Variants in NELL1 observed in about 807,000 individuals in gnomAD.
NELL1 encodes the protein protein kinase C-binding protein NELL1.
Under a neutral mutation model 107.4 loss-of-function variants are expected in NELL1, and 76 were observed. The ratio of observed to expected loss-of-function variants is 0.71; its 90% CI spans 0.59 to 0.86. The LOEUF (loss-of-function observed/expected upper bound fraction) is 0.86. NELL1 is among the 40% of genes least tolerant of loss of function. The pLI is 0.00. For synonymous variants in NELL1, 353 were observed against 341.2 expected, an observed-to-expected ratio of 1.03 and a Z score of -0.38; for missense variants, 1,024 against 1,005.5, an observed-to-expected ratio of 1.02 and a Z score of -0.25.
intron 16 of NELL1, among the ~76,000 whole-genome samples, chr11:21,547,601 T>G (rs1381189561): frequency 6.6e-6 from 1 of 151,992 alleles, no homozygotes; most frequent in Non-Finnish European, 1.5e-5. Context: ...GTAGTAGTAC[T>G]TCCCATAAAA....
intron 15 of NELL1, among the ~76,000 whole-genome samples, chr11:21,467,466 CTT>C (rs1413244368): frequency 6.6e-6 from 1 of 151,992 alleles, no homozygotes; most frequent in Non-Finnish European, 1.5e-5. Context: ...ATATTTATGT[CTT>C]TAAAAATATC....
rs1856900769 is a variant in NELL1 at position 20,783,845 on chromosome 11, T to C, written c.335+15T>C. 5.0e-6 allele frequency: 8 copies of C among 1,599,782 alleles called. No homozygotes were observed. The East Asian group carries it at 6.7e-5, about 13-fold the overall frequency. The stretch of plus-strand genomic sequence containing the variant: ...CTGGAGCACAGGTAAGAAAGCTCTT[T>C]CTGCTTTTGAAAATCTCCTTAGAGT... On this transcript the variant is annotated intron_variant, in intron 3 of 19. Coordinates refer to ENST00000357134, the MANE Select transcript of NELL1 (RefSeq NM_006157.5).
chr11:20,897,259 C>T (rs1015864023), intron 5 of NELL1, among the ~76,000 whole-genome samples: 1 of 152,070 alleles, frequency 6.6e-6, no homozygotes, highest in Non-Finnish European at 1.5e-5. Flanking sequence ...AATAATGCCA[C>T]ATATCTACAA....
rs576362892 is a variant in NELL1 at position 20,992,075 on chromosome 11, GT to G, written c.1300+31517del. Among the ~76,000 whole-genome samples the G allele has an allele frequency of 1.1e-4, 16 of 151,850 alleles. No homozygotes were observed. In the East Asian group the frequency reaches 2.1e-3, roughly 20 times the overall value. Reference sequence around the variant, plus strand: ...GAAGACAAAGATATTTACATGCAAGGTTATTAATTCAGAGATACAGGCTGCT... The same window carrying G: ...GAAGACAAAGATATTTACATGCAAGGTATTAATTCAGAGATACAGGCTGCT... On this transcript the variant is annotated intron_variant, in intron 12 of 19. Transcript: ENST00000357134.
At chr11:21,211,984 C>T (rs1437392986) in intron 13 of NELL1, among the ~76,000 whole-genome samples, 2 of 152,048 alleles carry the variant, frequency 1.3e-5, no homozygotes, top group Admixed American at 6.6e-5. Context: ...TGCCACCACA[C>T]CTGGCTAATT....
At chr11:20,806,276 GTGTGTGTGTT>G (rs1251056225) in intron 3 of NELL1, among the ~76,000 whole-genome samples, 142 of 151,594 alleles carry the variant, frequency 9.4e-4, no homozygotes, top group African/African-American at 3.3e-3. Flanking sequence ...GTGTGTGTGT[GTGTGTGTGTT>G]TGTGTTTGTG....
At position 20,689,799 on chromosome 11, in the gene NELL1, T is replaced by C. The variant is rs374609513; in HGVS notation, c.184+11739T>C. 1.2e-3 allele frequency among the ~76,000 whole-genome samples: 179 copies of C among 151,004 alleles called. 1 individual carries two copies. The East Asian group carries it at 0.016, about 14-fold the overall frequency. On this transcript the variant is annotated intron_variant, in intron 2 of 19. Transcript: ENST00000357134. ...GATTTATAGTCCTTTGGGTATATAC[T>C]CAGTAATGGGATGGCTGGGTCAAAT...
At chr11:21,561,530 G>A (rs570307190) in intron 17 of NELL1, among the ~76,000 whole-genome samples, 1 of 152,140 alleles carries the variant, frequency 6.6e-6, no homozygotes, top group South Asian at 2.1e-4. Context: ...CAATGAAACT[G>A]AATTTCCATG....
intron 4 of NELL1, among the ~76,000 whole-genome samples, chr11:20,876,138 A>G (rs1849300342): frequency 6.6e-6 from 1 of 152,220 alleles, no homozygotes; most frequent in African/African-American, 2.4e-5. Context: ...ACAGTTGTTA[A>G]GGAACCTGCT....
intron 5 of NELL1, among the ~76,000 whole-genome samples, chr11:20,915,511 G>GA (rs77337962): frequency 0.12 from 18,293 of 149,970 alleles, 1,587 homozygotes; most frequent in East Asian, 0.28. Context: ...GCATATGTCT[G>GA]AAAAAAGGAG....
chr11:21,186,035 G>A (rs958162706), intron 13 of NELL1, among the ~76,000 whole-genome samples: 2 of 151,720 alleles, frequency 1.3e-5, no homozygotes, highest in Non-Finnish European at 2.9e-5. Flanking sequence ...TCTCATAGAA[G>A]GAATGGTTAG....
At chr11:21,352,009 T>C (rs1263504626) in intron 14 of NELL1, among the ~76,000 whole-genome samples, 1 of 152,138 alleles carries the variant, frequency 6.6e-6, no homozygotes. Flanking sequence ...TCACTTGGCC[T>C]TTTTGCAATT....
chr11:21,182,272 A>G (rs1399234561), intron 13 of NELL1, among the ~76,000 whole-genome samples: 1 of 151,668 alleles, frequency 6.6e-6, no homozygotes, highest in Non-Finnish European at 1.5e-5. Context: ...CGTCTCTACT[A>G]AAAATACAAA....
At chr11:21,410,435 G>T (rs531531382) in intron 15 of NELL1, among the ~76,000 whole-genome samples, 1 of 151,926 alleles carries the variant, frequency 6.6e-6, no homozygotes, top group Non-Finnish European at 1.5e-5. Flanking sequence ...GAGGAGAGAA[G>T]AGAAAAAGAT....
intron 14 of NELL1, among the ~76,000 whole-genome samples, chr11:21,270,994 T>C (rs1404959206): frequency 3.9e-5 from 6 of 152,056 alleles, no homozygotes; most frequent in Non-Finnish European, 1.5e-5. Context: ...ATAAAATTTT[T>C]CAAAATTTGC....
rs1187250734 is a variant in NELL1 at position 21,534,782 on chromosome 11, T to A, written c.1786+268T>A. On this transcript the variant is annotated intron_variant, in intron 16 of 19. Coordinates refer to ENST00000357134, the MANE Select transcript of NELL1 (RefSeq NM_006157.5). ...TTTGTTCTAAGGAAAACCTTAGTCT[T>A]CTTAATTCTTTCTAAGGAAAACCGT... 2.6e-5 allele frequency among the ~76,000 whole-genome samples: 4 copies of A among 152,130 alleles called. No homozygotes were observed. In the East Asian group the frequency reaches 7.7e-4, roughly 29 times the overall value.
At chr11:21,041,202 A>G (rs1430736897) in intron 12 of NELL1, among the ~76,000 whole-genome samples, 1 of 152,214 alleles carries the variant, frequency 6.6e-6, no homozygotes, top group Non-Finnish European at 1.5e-5. Context: ...ACTATCATGT[A>G]TCACTGCATG....
chr11:20,730,957 G>A (rs1367021811), intron 2 of NELL1, among the ~76,000 whole-genome samples: 1 of 152,180 alleles, frequency 6.6e-6, no homozygotes. Flanking sequence ...ACTGAGATTA[G>A]GGGAAGGATA....
chr11:21,339,868 C>T (rs947571493), intron 14 of NELL1, among the ~76,000 whole-genome samples: 1 of 152,170 alleles, frequency 6.6e-6, no homozygotes, highest in Non-Finnish European at 1.5e-5. Context: ...GAGGCCCCAG[C>T]TTCCCCAAAA....
Sources: gnomAD v4.1 joint callset for allele counts (sites outside exome capture counted in the v4.1 genomes callset) on GRCh38, gnomAD v4.1.1 for gene constraint, MANE v1.5 for transcripts, NCBI Gene and HGNC (gene_info 2026-07-23, HGNC 2026-07-21) for gene names.